Variants in RALGPS2 observed in about 807,000 individuals in gnomAD.
RALGPS2 encodes the protein ras-specific guanine nucleotide-releasing factor RalGPS2.
RALGPS2 carries 43 observed loss-of-function variants against 86.8 expected under a neutral mutation model. That is an observed-to-expected ratio of 0.50 (90% CI 0.39 to 0.64). RALGPS2 has a LOEUF of 0.64. RALGPS2 is among the 30% of genes least tolerant of loss of function. The pLI is 0.00. For synonymous variants in RALGPS2, 243 were observed against 231.3 expected (o/e 1.05, Z -0.46); for missense variants, 536 against 694.6 (o/e 0.77, Z 2.57).
At chr1:178,770,769 G>A (rs920741480) in intron 1 of RALGPS2, among the ~76,000 whole-genome samples, 27 of 144,182 alleles carry the variant, frequency 1.9e-4, no homozygotes, top group East Asian at 1.3e-3. Flanking sequence ...GAGGCACCGC[G>A]CCTGGCCACC....
intron 1 of RALGPS2, among the ~76,000 whole-genome samples, chr1:178,726,800 T>C (rs150851639): frequency 4.6e-5 from 7 of 152,288 alleles, no homozygotes; most frequent in African/African-American, 1.7e-4. Flanking sequence ...TAGGAAACTT[T>C]TCAGCCCGTG....
At chr1:178,818,843 C>T (rs1440682363) in intron 6 of RALGPS2, among the ~76,000 whole-genome samples, 3 of 152,186 alleles carry the variant, frequency 2.0e-5, no homozygotes, top group African/African-American at 7.2e-5. Flanking sequence ...GTGTCCACAA[C>T]TCTCCAGTGT....
intron 8 of RALGPS2, among the ~76,000 whole-genome samples, chr1:178,862,593 TTTTATTTATTTA>T (rs57690079): frequency 0.022 from 3,039 of 140,742 alleles, 86 homozygotes; most frequent in African/African-American, 0.074. Context: ...GTTGCATTTT[TTTTATTTATTTA>T]TTTATTTATT....
At chr1:178,872,027 T>G (rs534667991) in intron 8 of RALGPS2, among the ~76,000 whole-genome samples, 2 of 152,352 alleles carry the variant, frequency 1.3e-5, no homozygotes, top group East Asian at 1.9e-4. Flanking sequence ...GCTTAGCACT[T>G]AAGTACTAAG....
chr1:178,885,922 A>G, intron 12 of RALGPS2, 47 bp from the exon 13 acceptor site: 3 of 1,466,378 alleles, frequency 2.0e-6, no homozygotes, highest in Non-Finnish European at 9.2e-7. Context: ...GCAGTTTTTA[A>G]ATTAGTAACA....
rs75356657 is a variant in RALGPS2, at chr1:178,727,320, C to A, written c.-84+1901C>A. Among the ~76,000 whole-genome samples, 904 of 152,230 alleles carry A rather than the reference C, an allele frequency of 5.9e-3. 15 individuals carry two copies. Among genetic ancestry groups the A allele is most frequent in the African/African-American group, 0.021 (876 of 41,518 alleles). On this transcript the variant is annotated intron_variant, in intron 1 of 19. Coordinates refer to ENST00000367635, the MANE Select transcript of RALGPS2 (RefSeq NM_152663.5). ...GCTCAAGCGATCCTCCCGTGTCAGG[C>A]TCCCAAGAAGCTGGGACTACAGGCA... is the stretch of plus-strand genomic sequence containing the variant.
chr1:178,912,905 G>C (rs1660676506), intron 19 of RALGPS2, among the ~76,000 whole-genome samples: 1 of 152,052 alleles, frequency 6.6e-6, no homozygotes, highest in Non-Finnish European at 1.5e-5. Context: ...GTTTGTCTCT[G>C]TTAATTTGAA....
rs773944312 is a variant in RALGPS2, at chr1:178,885,950, C to CT, written c.1041-11dup. On this transcript the variant is annotated intron_variant, in intron 12 of 19. Coordinates refer to ENST00000367635, the MANE Select transcript of RALGPS2 (RefSeq NM_152663.5). ...TAGTAACAATAATAAAAGATATGAA[C>CT]TTTTTTTTCTGTTTCTAGTTTCATT... The CT allele has an allele frequency of 7.7e-6, 12 of 1,556,012 alleles. No homozygotes were observed. The highest frequency in any genetic ancestry group is 2.3e-5 in the East Asian group (1 of 44,114).
chr1:178,915,310 A>C (rs1660771135), intron 19 of RALGPS2, among the ~76,000 whole-genome samples: 1 of 152,142 alleles, frequency 6.6e-6, no homozygotes, highest in Admixed American at 6.5e-5. Context: ...ATCTTGGCTC[A>C]CTGCAACCTC....
intron 8 of RALGPS2, among the ~76,000 whole-genome samples, chr1:178,875,227 A>T (rs1235485220): frequency 6.6e-6 from 1 of 152,204 alleles, no homozygotes; most frequent in Non-Finnish European, 1.5e-5. Flanking sequence ...TGGAGACAGG[A>T]TACCCAGTAA....
chr1:178,807,216 G>T (rs922022350), intron 4 of RALGPS2, among the ~76,000 whole-genome samples: 3 of 152,142 alleles, frequency 2.0e-5, no homozygotes, highest in Non-Finnish European at 4.4e-5. Context: ...CACACCTGTA[G>T]CCCCAGCTAC....
At chr1:178,909,478 T>C (rs1432159699) in intron 19 of RALGPS2, among the ~76,000 whole-genome samples, 1 of 152,080 alleles carries the variant, frequency 6.6e-6, no homozygotes, top group Non-Finnish European at 1.5e-5. Context: ...AAGAATGTCA[T>C]TGGTAGTTTG....
intron 6 of RALGPS2, among the ~76,000 whole-genome samples, chr1:178,818,743 G>A (rs1655354832): frequency 6.6e-6 from 1 of 152,202 alleles, no homozygotes; most frequent in Admixed American, 6.5e-5. Context: ...GCCTAGCCTT[G>A]TAGAGATTCA....
intron 1 of RALGPS2, among the ~76,000 whole-genome samples, chr1:178,767,594 CA>C (rs1207393649): frequency 6.6e-6 from 1 of 152,126 alleles, no homozygotes; most frequent in East Asian, 1.9e-4. Flanking sequence ...TTCTGCTGTT[CA>C]TGTGCTCCCC....
At chr1:178,848,406 C>T (rs1284783096) in intron 8 of RALGPS2, among the ~76,000 whole-genome samples, 1 of 152,098 alleles carries the variant, frequency 6.6e-6, no homozygotes, top group African/African-American at 2.4e-5. Context: ...TAAGGCAAAC[C>T]CATCTTTATT....
At chr1:178,844,284 C>T (rs1279139495) in intron 8 of RALGPS2, among the ~76,000 whole-genome samples, 3 of 152,118 alleles carry the variant, frequency 2.0e-5, no homozygotes, top group Non-Finnish European at 4.4e-5. Context: ...CTAATGATTT[C>T]TTAACATGAG....
intron 1 of RALGPS2, 34 bp downstream of exon 1, chr1:178,725,453 G>T (rs529345062): frequency 6.7e-6 from 1 of 148,184 alleles, no homozygotes; most frequent in Non-Finnish European, 1.5e-5. Flanking sequence ...CGGTGCGGGG[G>T]AGGGAGGGAG....
intron 7 of RALGPS2, among the ~76,000 whole-genome samples, chr1:178,821,920 T>C (rs1166420676): frequency 6.6e-6 from 1 of 152,170 alleles, no homozygotes; most frequent in Non-Finnish European, 1.5e-5. Context: ...TGCTTAGTTT[T>C]TGCTCCTTAG....
chr1:178,877,696 C>T lies in RALGPS2; in HGVS notation c.745+61C>T, dbSNP rs531932591. 3.6e-5 allele frequency: 57 copies of T among 1,572,806 alleles called. No individual in the cohort carries two copies. The East Asian group carries it at 1.2e-3, about 34-fold the overall frequency. ...TTGCTGTAATCCAGTGATTTATTTA[C>T]ACACACTGATGATCACTTTTCACAC... On this transcript the variant is annotated intron_variant, in intron 9 of 19. Coordinates refer to ENST00000367635, the MANE Select transcript of RALGPS2 (RefSeq NM_152663.5).
Sources: allele counts gnomAD v4.1 joint callset (sites outside exome capture counted in the v4.1 genomes callset), GRCh38; gene constraint gnomAD v4.1.1; transcripts MANE v1.5; gene names NCBI Gene and HGNC (gene_info 2026-07-23, HGNC 2026-07-21).